PRKD1: variants seen among roughly 807,000 people sequenced by gnomAD.
PRKD1 encodes protein kinase D1.
In PRKD1, 63 loss-of-function variants were observed where a neutral mutation model predicts 95.9. The ratio of observed to expected loss-of-function variants is 0.66; its 90% CI spans 0.54 to 0.81. The LOEUF is 0.81. PRKD1 is among the 30% of genes least tolerant of loss of function. The pLI, the probability that PRKD1 is intolerant of heterozygous loss-of-function variation, is 0.00. For synonymous variants in PRKD1, 425 were observed against 423.1 expected (o/e 1.00, Z -0.05); for missense variants, 1,048 against 1,165.3 (o/e 0.90, Z 1.47).
chr14:29,585,516 G>A (rs1892890605), intron 16 of PRKD1, among the ~76,000 whole-genome samples: 2 of 152,070 alleles, frequency 1.3e-5, no homozygotes, highest in Non-Finnish European at 2.9e-5. Context: ...CCATACAGCA[G>A]CCTCCAAACT....
chr14:29,812,012 TA>T (rs1890507165), intron 1 of PRKD1: 1 of 152,216 alleles, frequency 6.6e-6, no homozygotes, highest in Non-Finnish European at 1.5e-5. Context: ...ATGTGTTTCA[TA>T]TTTTTATTTC....
chr14:29,704,983 C>G (rs960089859), intron 2 of PRKD1, among the ~76,000 whole-genome samples: 1 of 151,968 alleles, frequency 6.6e-6, no homozygotes, highest in African/African-American at 2.4e-5. Flanking sequence ...TCAAAATTAC[C>G]ACTGCATAAA....
At chr14:29,745,663 CA>C (rs1887180395) in intron 1 of PRKD1, among the ~76,000 whole-genome samples, 1 of 151,852 alleles carries the variant, frequency 6.6e-6, no homozygotes, top group Non-Finnish European at 1.5e-5. Context: ...ATTGTAGAGA[CA>C]GGGGGTCTCA....
intron 1 of PRKD1, among the ~76,000 whole-genome samples, chr14:29,815,983 G>A (rs1220202108): frequency 6.6e-6 from 1 of 152,158 alleles, no homozygotes; most frequent in Non-Finnish European, 1.5e-5. Context: ...ACTTTGGGAG[G>A]CCGAGGTGGG....
At chr14:29,624,847 G>A (rs2139092655) in intron 12 of PRKD1, among the ~76,000 whole-genome samples, 1 of 152,136 alleles carries the variant, frequency 6.6e-6, no homozygotes, top group East Asian at 1.9e-4. Context: ...CCATATAATA[G>A]GCCCTTTATG....
At chr14:29,827,966 C>T (rs1240103554) in intron 1 of PRKD1, among the ~76,000 whole-genome samples, 1 of 151,972 alleles carries the variant, frequency 6.6e-6, no homozygotes, top group Non-Finnish European at 1.5e-5. Context: ...CCTGCTTTTC[C>T]TTGGCCTCCT....
intron 1 of PRKD1, among the ~76,000 whole-genome samples, chr14:29,871,081 A>G (rs1893088935): frequency 6.6e-6 from 1 of 152,210 alleles, no homozygotes; most frequent in Admixed American, 6.5e-5. Flanking sequence ...TCATCTGCCC[A>G]GGATGTTTTG....
intron 1 of PRKD1, among the ~76,000 whole-genome samples, chr14:29,834,556 G>A (rs1163646047): frequency 3.3e-5 from 5 of 151,836 alleles, no homozygotes; most frequent in African/African-American, 9.6e-5. Context: ...ATAATTTAAT[G>A]GTTGGATGTT....
intron 4 of PRKD1, 111 bp downstream of exon 4, chr14:29,663,588 C>T: frequency 8.1e-7 from 1 of 1,232,528 alleles, no homozygotes; most frequent in Non-Finnish European, 1.2e-6. Context: ...CTGTCATTAA[C>T]ACCCTGGCTG....
intron 16 of PRKD1, among the ~76,000 whole-genome samples, chr14:29,584,889 C>A (rs1269193791): frequency 6.6e-6 from 1 of 152,106 alleles, no homozygotes; most frequent in East Asian, 1.9e-4. Flanking sequence ...ACCTGTGAAA[C>A]CTCAAGGCTG....
chr14:29,706,129 T>C (rs1885076919), intron 2 of PRKD1, among the ~76,000 whole-genome samples: 1 of 152,116 alleles, frequency 6.6e-6, no homozygotes, highest in Admixed American at 6.6e-5. Flanking sequence ...TACTTGATTA[T>C]AGCCATCCTA....
rs148884792 is a variant in PRKD1 at position 29,681,666 on chromosome 14, T to C, written c.404-15458A>G. On this transcript the variant is annotated intron_variant, in intron 2 of 17. Coordinates refer to ENST00000331968, the MANE Select transcript of PRKD1 (RefSeq NM_002742.3). ...AATATGAACCAAGTAGAGGCATTTA[T>C]TATGCTGAAATTATTAGAAGGGCAC... Among the ~76,000 whole-genome samples the C allele has an allele frequency of 4.3e-3, 653 of 152,288 alleles. 5 individuals carry two copies. The highest frequency in any genetic ancestry group is 7.7e-3 in the Non-Finnish European group (522 of 68,018).
At chr14:29,917,964 ACAT>A (rs1894949719) in intron 1 of PRKD1, among the ~76,000 whole-genome samples, 1 of 152,092 alleles carries the variant, frequency 6.6e-6, no homozygotes, top group Non-Finnish European at 1.5e-5. Context: ...TTTCTGGGGT[ACAT>A]GTACGGTTTT....
intron 1 of PRKD1, among the ~76,000 whole-genome samples, chr14:29,874,512 T>C (rs2139383693): frequency 6.6e-6 from 1 of 152,292 alleles, no homozygotes; most frequent in African/African-American, 2.4e-5. Flanking sequence ...TCAAAGAAAC[T>C]TGCCTTATCA....
intron 2 of PRKD1, among the ~76,000 whole-genome samples, chr14:29,673,561 A>C (rs1480689935): frequency 6.6e-6 from 1 of 152,096 alleles, no homozygotes; most frequent in African/African-American, 2.4e-5. Context: ...GAATATTGCC[A>C]CCCCTTAATT....
chr14:29,916,607 C>T (rs146533805), intron 1 of PRKD1, among the ~76,000 whole-genome samples: 1 of 152,122 alleles, frequency 6.6e-6, no homozygotes, highest in Non-Finnish European at 1.5e-5. Flanking sequence ...ACAGCACTAA[C>T]CAATCTCTAA....
intron 2 of PRKD1, among the ~76,000 whole-genome samples, chr14:29,708,821 C>G (rs1205309214): frequency 6.6e-6 from 1 of 152,066 alleles, no homozygotes; most frequent in East Asian, 1.9e-4. Flanking sequence ...AATGTTCACA[C>G]CACTGCACTC....
At chr14:29,801,935 G>C (rs1028945676) in intron 1 of PRKD1, among the ~76,000 whole-genome samples, 2 of 152,160 alleles carry the variant, frequency 1.3e-5, no homozygotes, top group African/African-American at 4.8e-5. Flanking sequence ...TGATCCACCC[G>C]CCTCAGCCTC....
chr14:29,834,864 G>A (rs776807508), intron 1 of PRKD1, among the ~76,000 whole-genome samples: 3 of 152,068 alleles, frequency 2.0e-5, no homozygotes, highest in Non-Finnish European at 2.9e-5. Flanking sequence ...AAAGTCATAC[G>A]GATAAAGGTG....
Sources: allele counts gnomAD v4.1 joint callset (sites outside exome capture counted in the v4.1 genomes callset), GRCh38; gene constraint gnomAD v4.1.1; transcripts MANE v1.5; gene names NCBI Gene and HGNC (gene_info 2026-07-23, HGNC 2026-07-21).